The following NRXN1 variants were observed in gnomAD, a reference collection of about 807,000 sequenced individuals.
NRXN1 encodes neurexin-1.
NRXN1 carries 39 observed loss-of-function variants against 150.9 expected under a neutral mutation model. That is an observed-to-expected ratio of 0.26 (90% CI 0.20 to 0.34). The LOEUF (loss-of-function observed/expected upper bound fraction) is 0.34, where lower values mean the gene tolerates loss of function less well. Ranked by LOEUF, NRXN1 falls within the 10% of genes least tolerant of loss-of-function variation. The pLI is 1.00. For synonymous variants in NRXN1, 924 were observed against 757.0 expected (o/e 1.22, Z -3.62); for missense variants, 1,815 against 1,949.9 (o/e 0.93, Z 1.30).
intron 15 of NRXN1, among the ~76,000 whole-genome samples, chr2:50,477,500 T>G (rs2090085696): frequency 6.6e-6 from 1 of 152,142 alleles, no homozygotes. Context: ...AATGACGCGG[T>G]AGAGATTTCC....
intron 17 of NRXN1, among the ~76,000 whole-genome samples, chr2:50,254,206 G>T (rs879032006): frequency 6.6e-6 from 1 of 151,804 alleles, no homozygotes; most frequent in African/African-American, 2.4e-5. Flanking sequence ...TTGCATAGAG[G>T]TGTTTATAGT....
rs70946898 is a variant in NRXN1 at position 50,281,148 on chromosome 2, CAAAAAA to C, written c.3365-44184_3365-44179del. Among the ~76,000 whole-genome samples the C allele has an allele frequency of 9.3e-3, 995 of 107,150 alleles. 4 individuals are homozygous for C. Among genetic ancestry groups the C allele is most frequent in the Non-Finnish European group, 0.014 (736 of 51,742 alleles). The allele number at this position is 107,150 out of a possible 152,430, so 70.3% of individuals were successfully genotyped here. On this transcript the variant is annotated intron_variant, in intron 17 of 22. Transcript: ENST00000401669. ...TGAAACCCCGTCTCTACTAAAAATA[CAAAAAA>C]AAAAAAAAAAAAAATTAGCTGGGCA...
intron 17 of NRXN1, among the ~76,000 whole-genome samples, chr2:50,247,406 G>T (rs766070759): frequency 6.6e-6 from 1 of 152,068 alleles, no homozygotes; most frequent in Admixed American, 6.6e-5. Flanking sequence ...AATACTCAGA[G>T]AAATCTGACA....
Position 50,497,670 on chromosome 2 carries a change from C to T in NRXN1, c.2542G>A (p.Glu848Lys). The change falls in exon 14 of 23, where the codon GAG (glutamate) becomes AAG (lysine). Residue 848 changes from glutamate (E) to lysine (K), a missense_variant. Coordinates refer to ENST00000401669, the MANE Select transcript of NRXN1 (RefSeq NM_001330078.2). ...CGTCGTTCTGTGATGATGCCAGTCT[C>T]TATGTTATGGAACTCCAGCCTAGTA... ...DHTRLEFHNI[E>K]TGIITERRYL... is the part of the protein sequence containing the mutation. The T allele has an allele frequency of 6.2e-7, 1 of 1,613,826 alleles. No individual in the cohort carries two copies. Among genetic ancestry groups the T allele is most frequent in the Non-Finnish European group, 8.5e-7 (1 of 1,179,744 alleles).
At chr2:50,213,252 A>G (rs942068770) in intron 18 of NRXN1, among the ~76,000 whole-genome samples, 25 of 152,092 alleles carry the variant, frequency 1.6e-4, no homozygotes, top group African/African-American at 6.0e-4. Context: ...GGTGCTGGAT[A>G]TACAGAAGTG....
Position 50,538,106 on chromosome 2 carries a change from C to A in NRXN1, c.2143+147G>T, listed in dbSNP as rs555539469. The A allele has an allele frequency of 4.9e-5, 40 of 814,234 alleles. No homozygotes were observed. In the African/African-American group the frequency reaches 6.7e-4, roughly 14 times the overall value. The allele number at this position is 814,234 out of a possible 1,614,324, so 50.4% of individuals were successfully genotyped here. On this transcript the variant is annotated intron_variant, in intron 10 of 22. Transcript: ENST00000401669. ...AAAACATTAAGAGCTCATTAGTAAT[C>A]CATGTCAGGTATGGCTGCTCAGCTT... is the stretch of plus-strand genomic sequence containing the variant.
rs558496606 is a variant in NRXN1, at chr2:49,928,894, T to A, written c.4217-6643A>T. The stretch of plus-strand genomic sequence containing the variant: ...CATGCCTGCACATTCTGAAGTACAC[T>A]TACGGAGGTCAGACAAGTCTTGAGA... On this transcript the variant is annotated intron_variant, in intron 22 of 22. Transcript: ENST00000401669. Among the ~76,000 whole-genome samples the A allele has an allele frequency of 1.7e-3, 256 of 152,260 alleles. 2 individuals carry two copies. The highest frequency in any genetic ancestry group is 3.1e-3 in the Non-Finnish European group (211 of 68,026).
chr2:50,384,029 C>A (rs1413599067), intron 17 of NRXN1, among the ~76,000 whole-genome samples: 2 of 152,160 alleles, frequency 1.3e-5, no homozygotes, highest in Non-Finnish European at 2.9e-5. Flanking sequence ...AAAGGAGAAA[C>A]CTTCTCTCCA....
intron 18 of NRXN1, among the ~76,000 whole-genome samples, chr2:50,210,670 A>G (rs1222897631): frequency 1.3e-5 from 2 of 151,714 alleles, no homozygotes. Flanking sequence ...GCCAAGCAGG[A>G]ACACATATTT....
chr2:50,221,527 ATAATTT>A (rs1347238427), intron 18 of NRXN1, among the ~76,000 whole-genome samples: 1 of 152,020 alleles, frequency 6.6e-6, no homozygotes, highest in Non-Finnish European at 1.5e-5. Context: ...TGAAAAAACT[ATAATTT>A]TGGTTATATC....
chr2:50,418,202 C>T (rs2083696068), intron 17 of NRXN1, among the ~76,000 whole-genome samples: 1 of 151,964 alleles, frequency 6.6e-6, no homozygotes, highest in Non-Finnish European at 1.5e-5. Flanking sequence ...TCTTGGTTCA[C>T]TGAGCACGTG....
chr2:50,231,539 C>T (rs1217230011), intron 18 of NRXN1, among the ~76,000 whole-genome samples: 1 of 152,028 alleles, frequency 6.6e-6, no homozygotes, highest in African/African-American at 2.4e-5. Context: ...AGGCTTCCGG[C>T]CCAGCAAAGT....
chr2:50,637,973 T>C (rs751309357), intron 5 of NRXN1, among the ~76,000 whole-genome samples: 2 of 152,218 alleles, frequency 1.3e-5, no homozygotes, highest in Non-Finnish European at 2.9e-5. Context: ...AGGTAAATAA[T>C]GAATTTCAGC....
chr2:50,017,704 T>C (rs1414311362), intron 21 of NRXN1, among the ~76,000 whole-genome samples: 1 of 151,222 alleles, frequency 6.6e-6, no homozygotes, highest in East Asian at 2.0e-4. Flanking sequence ...AACCCTGATA[T>C]TATCAGATAT....
intron 8 of NRXN1, among the ~76,000 whole-genome samples, chr2:50,555,092 C>T (rs573932598): frequency 6.6e-6 from 1 of 152,252 alleles, no homozygotes; most frequent in East Asian, 1.9e-4. Flanking sequence ...CTCTCTATGA[C>T]TTTCATGCTA....
chr2:50,493,763 C>G (rs2091399541), intron 15 of NRXN1, among the ~76,000 whole-genome samples: 2 of 152,192 alleles, frequency 1.3e-5, no homozygotes. Flanking sequence ...TCTTACTTTT[C>G]TGCAATGCAG....
intron 8 of NRXN1, among the ~76,000 whole-genome samples, chr2:50,562,612 T>C (rs911173455): frequency 6.6e-6 from 1 of 152,174 alleles, no homozygotes; most frequent in Non-Finnish European, 1.5e-5. Context: ...ACTGAAAATA[T>C]GTTGTCTTCT....
chr2:50,403,894 C>A (rs954750214), intron 17 of NRXN1, among the ~76,000 whole-genome samples: 1 of 151,952 alleles, frequency 6.6e-6, no homozygotes, highest in African/African-American at 2.4e-5. Context: ...TACCATTTAC[C>A]CAATCTTTTG....
chr2:50,921,233 C>T (rs763294814), intron 5 of NRXN1, among the ~76,000 whole-genome samples: 5 of 151,736 alleles, frequency 3.3e-5, no homozygotes, highest in Non-Finnish European at 7.4e-5. Flanking sequence ...TTCTGGATTT[C>T]GTACCAACAT....
Sources: allele counts gnomAD v4.1 joint callset (sites outside exome capture counted in the v4.1 genomes callset), GRCh38; gene constraint gnomAD v4.1.1; transcripts MANE v1.5; gene names NCBI Gene and HGNC (gene_info 2026-07-23, HGNC 2026-07-21).